The following DOC2A variants were observed in gnomAD, a reference collection of about 807,000 sequenced individuals.
DOC2A encodes double C2-like domain-containing protein alpha.
DOC2A carries 28 observed loss-of-function variants against 40.6 expected under a neutral mutation model. That is an observed-to-expected ratio of 0.69 (90% confidence interval 0.51 to 0.95). DOC2A has a LOEUF of 0.95. DOC2A is among the 40% of genes least tolerant of loss of function. The probability of loss-of-function intolerance (pLI) is 0.00; values close to 1 mark genes in which losing one functional copy is unlikely to be tolerated. For missense variants in DOC2A, 474 were observed against 552.5 expected, an observed-to-expected ratio of 0.86 and a Z score of 1.42; for synonymous variants, 241 against 236.9, an observed-to-expected ratio of 1.02 and a Z score of -0.16.
intron 1 of DOC2A, chr16:30,018,692 G>A (rs572902486): frequency 8.5e-5 from 13 of 152,310 alleles, no homozygotes; most frequent in Admixed American, 6.5e-4. Context: ...ACATCTCGGA[G>A]TCTGGAGCTC....
Position 30,009,519 on chromosome 16 carries a change from G to A in DOC2A, c.301C>T (p.Arg101Trp), listed in dbSNP as rs919119708. The A allele has an allele frequency of 5.2e-6, 8 of 1,551,530 alleles. No individual in the cohort carries two copies. The highest frequency in any genetic ancestry group is 1.7e-4 in the Middle Eastern group (1 of 5,990). ...GTLEFDLLYD[R>W]ASCTLHCSIL... ...CTACAGTGCAGAGTGCAGGAGGCCC[G>A]GTCGTAGAGAAGGTCAAACTCCAGC... Residue 101 changes from arginine to tryptophan, a missense_variant, in exon 3 of 11, where the codon CGG becomes TGG. Physicochemically the swap from Arg to Trp is moderately radical, Grantham distance 101. Coordinates refer to ENST00000350119, the MANE Select transcript of DOC2A (RefSeq NM_003586.3). The surrounding 1 kb of genome is among the most constrained non-coding windows in gnomAD (Gnocchi z 4.1).
upstream of DOC2A, among the ~76,000 whole-genome samples, chr16:30,022,183 G>C (rs2070920229): frequency 6.8e-6 from 1 of 146,354 alleles, no homozygotes; most frequent in South Asian, 2.2e-4. Context: ...GGAGGTGGAG[G>C]TTGCAGTGAG....
At chr16:30,020,541 T>G (rs1328781401) in intron 1 of DOC2A, among the ~76,000 whole-genome samples, 1 of 151,176 alleles carries the variant, frequency 6.6e-6, no homozygotes, top group Non-Finnish European at 1.5e-5. Flanking sequence ...ACTCCATCTC[T>G]GCAAAGAAAA....
At chr16:30,016,053 ATAT>A (rs1359445478), upstream of DOC2A, among the ~76,000 whole-genome samples, 4 of 18,180 alleles carry the variant, frequency 2.2e-4, no homozygotes, top group Admixed American at 9.9e-4. Context: ...ATATATATAT[ATAT>A]TTTTTTTTTT....
upstream of DOC2A, chr16:30,012,346 G>T (rs1187028104): frequency 6.6e-6 from 1 of 152,142 alleles, no homozygotes; most frequent in Non-Finnish European, 1.5e-5. Context: ...CCCACCAGCA[G>T]GGAGTTCCAC....
In DOC2A at chr16:30,009,313, C is replaced by G. The variant is rs777924311; in HGVS notation, c.343-37G>C. 1.6e-5 allele frequency: 24 copies of G among 1,537,500 alleles called. No homozygotes were observed. Among genetic ancestry groups the G allele is most frequent in the Non-Finnish European group, 2.1e-5 (24 of 1,135,270 alleles). On this transcript the variant is annotated intron_variant, in intron 3 of 10. Transcript: ENST00000350119. The surrounding 1 kb of genome is among the most constrained non-coding windows in gnomAD (Gnocchi z 4.1). Reference sequence around the variant, plus strand: ...GGCAGGGGAGAGGGCTAGAGGCTCCCGGCACCTCTCTCCATCCCTCTTGTA... The same window carrying G: ...GGCAGGGGAGAGGGCTAGAGGCTCCGGGCACCTCTCTCCATCCCTCTTGTA...
In DOC2A at chr16:30,010,657, C is replaced by A; in HGVS notation, c.-14+246G>T. On this transcript the variant is annotated intron_variant, in intron 1 of 10. Transcript: ENST00000350119. This position sits in a 1 kb window ranked among gnomAD's most constrained non-coding sequence, Gnocchi z 4.2. ...GGCGCTGGTCTAGTCAGGGTGTCAC[C>A]CACCCCTCTAGGCTCCAACTGCCCA... The A allele has an allele frequency of 3.8e-6, 1 of 264,192 alleles. No homozygotes were observed. 16.4% of individuals were successfully genotyped at this position (264,192 alleles called of 1,614,324 possible). A position where few individuals can be genotyped will look rare whatever the true frequency, so the allele number is the denominator to read the frequency against.
Position 30,006,933 on chromosome 16 carries a change from G to A in DOC2A, c.730C>T (p.Gln244Ter). The part of the protein sequence containing the change: ...CYLKELEQAE[Q>*]GQGLLEERGR... ...CGCTCCTCCAGCAGCCCCTGCCCCT[G>A]CTCCGCCTGCTCCAACTGCGGGGCA... Residue 244 changes from glutamine to a stop codon, truncating the protein, a stop_gained, in exon 8 of 11, where the codon CAG becomes TAG. Coordinates refer to ENST00000350119, the MANE Select transcript of DOC2A (RefSeq NM_003586.3). LOFTEE classifies it high-confidence loss of function. The surrounding 1 kb of genome is among the most constrained non-coding windows in gnomAD (Gnocchi z 6.2). 6.2e-7 allele frequency: 1 copy of A among 1,610,400 alleles called. No individual in the cohort carries two copies. The highest frequency in any genetic ancestry group is 8.5e-7 in the Non-Finnish European group (1 of 1,177,310).
chr16:30,007,147 G>C, intron 6 of DOC2A, 26 bp downstream of exon 6: 1 of 1,613,610 alleles, frequency 6.2e-7, no homozygotes, highest in Non-Finnish European at 8.5e-7. Context: ...CCCCTCCCCT[G>C]GCGCCCCTGC....
chr16:30,010,569 C>A lies in DOC2A; in HGVS notation c.-14+334G>T, dbSNP rs1037884210. On this transcript the variant is annotated intron_variant, in intron 1 of 10. Transcript: ENST00000350119. This position sits in a 1 kb window ranked among gnomAD's most constrained non-coding sequence, Gnocchi z 4.2. ...CCCCTCTGCTCCTGAGCCTGCCTGT[C>A]CCCCAAGGGGCCCTGCAGGGCCCCG... 2 of 385,006 alleles carry A rather than the reference C, an allele frequency of 5.2e-6. No homozygotes were observed. The highest frequency in any genetic ancestry group is 9.8e-6 in the Non-Finnish European group (2 of 204,612). The allele number at this position is 385,006 out of a possible 1,614,324, so 23.8% of individuals were successfully genotyped here. A position where few individuals can be genotyped will look rare whatever the true frequency, so the allele number is the denominator to read the frequency against.
At chr16:30,019,484 T>G (rs2150964518) in intron 1 of DOC2A, among the ~76,000 whole-genome samples, 1 of 152,324 alleles carries the variant, frequency 6.6e-6, no homozygotes, top group South Asian at 2.1e-4. Context: ...GAGTCATAAA[T>G]GGAGTCCAGC....
Position 30,006,446 on chromosome 16 carries a change from C to G in DOC2A, c.1024G>C (p.Asp342His), listed in dbSNP as rs1281201112. The change falls in exon 10 of 11, where the codon GAC (aspartate) becomes CAC (histidine). Residue 342 changes from aspartate (D) to histidine (H), a missense_variant. Physicochemically the swap from Asp to His is moderately conservative, Grantham distance 81. Transcript: ENST00000350119. This position sits in a 1 kb window ranked among gnomAD's most constrained non-coding sequence, Gnocchi z 6.2. ...TCATTGGATTTGCCAATGTCATAGT[C>G]CCAGACGGTGACTTCCAGGGTCTTG... is the stretch of plus-strand genomic sequence containing the variant. ...ATKTLEVTVW[D>H]YDIGKSNDFI... is the part of the protein sequence containing the mutation. The G allele has an allele frequency of 1.2e-6, 2 of 1,613,584 alleles. No homozygotes were observed. The highest frequency in any genetic ancestry group is 2.7e-5 in the African/African-American group (2 of 74,744).
In DOC2A at chr16:30,009,307, G is replaced by A. The variant is rs752691978; in HGVS notation, c.343-31C>T. 2.6e-6 allele frequency: 4 copies of A among 1,543,616 alleles called. No homozygotes were observed. Among genetic ancestry groups the A allele is most frequent in the Non-Finnish European group, 3.5e-6 (4 of 1,140,502 alleles). ...GAGGAGGGCAGGGGAGAGGGCTAGA[G>A]GCTCCCGGCACCTCTCTCCATCCCT... On this transcript the variant is annotated intron_variant, in intron 3 of 10. Transcript: ENST00000350119. The surrounding 1 kb of genome is among the most constrained non-coding windows in gnomAD (Gnocchi z 4.1).
At chr16:30,017,216 C>T (rs1488679402), upstream of DOC2A, among the ~76,000 whole-genome samples, 1 of 150,632 alleles carries the variant, frequency 6.6e-6, no homozygotes, top group African/African-American at 2.4e-5. Context: ...GAGTTTGAGG[C>T]TGCAGTGAGC....
At chr16:30,011,503 G>C (rs2070779635), upstream of DOC2A, 1 of 801,180 alleles carries the variant, frequency 1.2e-6, no homozygotes, top group Admixed American at 6.3e-5. Flanking sequence ...CCCAAGGCCG[G>C]ACCACCGGCC....
upstream of DOC2A, among the ~76,000 whole-genome samples, chr16:30,013,262 T>C (rs1253154060): frequency 6.7e-6 from 1 of 149,420 alleles, no homozygotes; most frequent in Non-Finnish European, 1.5e-5. Context: ...TTCTTTTTTT[T>C]TCTTTTCTTT....
At chr16:30,021,278 T>G (rs1370002089) in exon 1 of DOC2A, 1 of 152,334 alleles carries the variant, frequency 6.6e-6, no homozygotes, top group East Asian at 1.9e-4. Flanking sequence ...CAGAGTCCGC[T>G]GAGCACGCAC....
chr16:30,011,587 G>A (rs1171648169), upstream of DOC2A: 1 of 190,520 alleles, frequency 5.2e-6, no homozygotes, highest in Non-Finnish European at 9.6e-6. Flanking sequence ...GCAGGGAGCT[G>A]GGGCCTCCCT....
Position 30,010,752 on chromosome 16 carries a change from G to T in DOC2A, c.-14+151C>A. On this transcript the variant is annotated intron_variant, in intron 1 of 10. Coordinates refer to ENST00000350119, the MANE Select transcript of DOC2A (RefSeq NM_003586.3). The surrounding 1 kb of genome is among the most constrained non-coding windows in gnomAD (Gnocchi z 4.2). ...CCCCGCTCGCTCACCACAGCCCACG[G>T]TGGAGACCCCAGCCTCAGATGCCAC... 2.1e-6 allele frequency: 1 copy of T among 478,934 alleles called. No individual in the cohort carries two copies. Among genetic ancestry groups the T allele is most frequent in the Non-Finnish European group, 2.8e-6 (1 of 354,126 alleles). 29.7% of individuals were successfully genotyped at this position (478,934 alleles called of 1,614,324 possible).
Sources: gnomAD v4.1 joint callset for allele counts (sites outside exome capture counted in the v4.1 genomes callset) on GRCh38, gnomAD v4.1.1 for gene constraint, Gnocchi (gnomAD v3.1) non-coding constraint, MANE v1.5 for transcripts, NCBI Gene and HGNC (gene_info 2026-07-23, HGNC 2026-07-21) for gene names.